Variants in PIK3C2G observed in about 807,000 individuals in gnomAD.
PIK3C2G encodes phosphatidylinositol-4-phosphate 3-kinase catalytic subunit type 2 gamma.
A neutral mutation model predicts 181.1 loss-of-function variants in PIK3C2G; 168 were observed. The observed-to-expected ratio is 0.93, with a 90% confidence interval of 0.82 to 1.05. PIK3C2G has a LOEUF of 1.05. Among genes scored for constraint, PIK3C2G ranks in the 50% least tolerant of loss-of-function variants. PIK3C2G has a pLI of 0.00. For missense variants in PIK3C2G, 1,869 were observed against 1,732.8 expected, an observed-to-expected ratio of 1.08 and a Z score of -1.40; for synonymous variants, 573 against 592.2, an observed-to-expected ratio of 0.97 and a Z score of 0.47.
intron 24 of PIK3C2G, among the ~76,000 whole-genome samples, chr12:18,508,512 G>A (rs1941990597): frequency 6.6e-6 from 1 of 152,084 alleles, no homozygotes; most frequent in Admixed American, 6.6e-5. Flanking sequence ...TAGGACCTTT[G>A]TATTCCCCTA....
At chr12:18,263,055 AT>A (rs1565529879) in intron 1 of PIK3C2G, among the ~76,000 whole-genome samples, 1 of 152,058 alleles carries the variant, frequency 6.6e-6, no homozygotes, top group Admixed American at 6.6e-5. Context: ...ATTATGATTT[AT>A]TTTTCTGTTG....
chr12:18,406,066 C>A (rs1219278020), intron 16 of PIK3C2G, among the ~76,000 whole-genome samples: 3 of 152,124 alleles, frequency 2.0e-5, no homozygotes, highest in Admixed American at 2.0e-4. Context: ...TGGTAACCAC[C>A]TTTCCATTCC....
chr12:18,710,483 T>C, the PIK3C2G span, among the ~76,000 whole-genome samples: 1 of 151,916 alleles, frequency 6.6e-6, no homozygotes, highest in Non-Finnish European at 1.5e-5. Context: ...TTGTGAGTCA[T>C]TGTACAAATT....
At chr12:18,668,640 A>G in the PIK3C2G span, among the ~76,000 whole-genome samples, 1 of 152,036 alleles carries the variant, frequency 6.6e-6, no homozygotes, top group Admixed American at 6.6e-5. Context: ...TCATAGCACA[A>G]CTCATCTCCC....
chr12:18,438,496 T>C (rs1168832402), intron 18 of PIK3C2G, among the ~76,000 whole-genome samples: 1 of 151,898 alleles, frequency 6.6e-6, no homozygotes, highest in African/African-American at 2.4e-5. Context: ...CGTAGTATAG[T>C]TAATGCTAGA....
intron 31 of PIK3C2G, among the ~76,000 whole-genome samples, chr12:18,635,487 G>A (rs1949554842): frequency 6.6e-6 from 1 of 152,160 alleles, no homozygotes; most frequent in Non-Finnish European, 1.5e-5. Context: ...ACGGCGACAT[G>A]GTGGCCCACG....
chr12:18,485,527 A>T (rs1019181532), intron 18 of PIK3C2G, among the ~76,000 whole-genome samples: 1 of 152,114 alleles, frequency 6.6e-6, no homozygotes, highest in African/African-American at 2.4e-5. Flanking sequence ...TTCTTTAATC[A>T]TCTAGATTTT....
chr12:18,280,373 T>G (rs1404144529), intron 1 of PIK3C2G, among the ~76,000 whole-genome samples: 1 of 152,004 alleles, frequency 6.6e-6, no homozygotes, highest in Non-Finnish European at 1.5e-5. Context: ...TATACAGTAG[T>G]TTTACCTTTC....
At chr12:18,291,541 C>T (rs892481247) in intron 4 of PIK3C2G, among the ~76,000 whole-genome samples, 4 of 151,966 alleles carry the variant, frequency 2.6e-5, no homozygotes, top group Admixed American at 6.6e-5. Flanking sequence ...TTATCAAATT[C>T]GCCTGAGGAT....
chr12:18,669,665 C>CTT, the PIK3C2G span, among the ~76,000 whole-genome samples: 15,469 of 148,556 alleles, frequency 0.1, 991 homozygotes, highest in African/African-American at 0.18. Context: ...CTCTTCCTCT[C>CTT]TTTTTTTTTT....
At chr12:18,432,947 CAATT>C (rs1946244179) in intron 18 of PIK3C2G, among the ~76,000 whole-genome samples, 1 of 151,200 alleles carries the variant, frequency 6.6e-6, no homozygotes, top group African/African-American at 2.4e-5. Flanking sequence ...TTTTTTCTAT[CAATT>C]AGGAACTCAT....
rs545255029 is a variant in PIK3C2G, at chr12:18,352,490, C to A, written c.1625+5654C>A. Among the ~76,000 whole-genome samples, 5 of 152,238 alleles carry A rather than the reference C, an allele frequency of 3.3e-5. No homozygotes were observed. The South Asian group carries it at 1.0e-3, about 32-fold the overall frequency. ...CTGGCAGGAGTAGAACTCTGTGTAG[C>A]CCCATGGCAGTGTCTAGGAGGGGTA... On this transcript the variant is annotated intron_variant, in intron 11 of 32. Transcript: ENST00000538779.
chr12:18,456,538 G>T (rs1417224726), intron 18 of PIK3C2G, among the ~76,000 whole-genome samples: 8 of 152,196 alleles, frequency 5.3e-5, no homozygotes. Context: ...TTTACATAGT[G>T]CAAAGAAGCT....
chr12:18,584,514 G>C (rs114114375), intron 29 of PIK3C2G, among the ~76,000 whole-genome samples: 1 of 151,908 alleles, frequency 6.6e-6, no homozygotes, highest in Non-Finnish European at 1.5e-5. Flanking sequence ...GAAAAGAAAC[G>C]AACAAAACCT....
intron 1 of PIK3C2G, among the ~76,000 whole-genome samples, chr12:18,269,047 A>T (rs1314903075): frequency 1.3e-5 from 2 of 151,982 alleles, no homozygotes; most frequent in African/African-American, 4.8e-5. Flanking sequence ...GGTAGCTGGG[A>T]TTACAGCCGT....
At chr12:18,708,880 T>G in the PIK3C2G span, among the ~76,000 whole-genome samples, 1 of 152,164 alleles carries the variant, frequency 6.6e-6, no homozygotes, top group African/African-American at 2.4e-5. Context: ...TAATGAGTTG[T>G]ATGAATTCTT....
At chr12:18,581,733 A>T (rs775209298) in intron 29 of PIK3C2G, among the ~76,000 whole-genome samples, 1 of 152,218 alleles carries the variant, frequency 6.6e-6, no homozygotes, top group Non-Finnish European at 1.5e-5. Context: ...TTAGGGGGGA[A>T]GTTAGGCTGG....
At position 18,282,745 on chromosome 12, in the gene PIK3C2G, C is replaced by T. The variant is rs760166580; in HGVS notation, c.664C>T (p.Gln222Ter). Residue 222 changes from glutamine (Q) to a stop codon, truncating the protein, a stop_gained, in exon 2 of 33, where the codon CAG becomes TAG. Transcript: ENST00000538779. LOFTEE classifies it high-confidence loss of function. ...LQPGMWESTW[Q>*]KNIESIGCSI... ...ACCCGGAATGTGGGAAAGTACATGG[C>T]AGAAGAATATAGAGGTAAGTATAAT... is the stretch of plus-strand genomic sequence containing the variant. 5.6e-6 allele frequency: 9 copies of T among 1,598,440 alleles called. No homozygotes were observed. The highest frequency in any genetic ancestry group is 4.3e-6 in the Non-Finnish European group (5 of 1,172,332).
chr12:18,696,076 G>C, the PIK3C2G span: 2 of 852,478 alleles, frequency 2.3e-6, no homozygotes, highest in Non-Finnish European at 3.7e-6. Flanking sequence ...CTTTTCACGA[G>C]TTTTTCATAC....
Sources: gnomAD v4.1 joint callset for allele counts (sites outside exome capture counted in the v4.1 genomes callset) on GRCh38, gnomAD v4.1.1 for gene constraint, MANE v1.5 for transcripts, NCBI Gene and HGNC (gene_info 2026-07-23, HGNC 2026-07-21) for gene names.